Variants in FABP6 observed in about 807,000 individuals in gnomAD.
FABP6 encodes the protein gastrotropin.
A neutral mutation model predicts 14.9 loss-of-function variants in FABP6; 13 were observed. That is an observed-to-expected ratio of 0.87 (90% CI 0.57 to 1.39). FABP6 has a LOEUF of 1.39. FABP6 is among the 40% of genes most tolerant of loss of function. FABP6 has a pLI of 0.00. For synonymous variants in FABP6, 75 were observed against 63.6 expected, an observed-to-expected ratio of 1.18 and a Z score of -0.85; for missense variants, 161 against 167.2, an observed-to-expected ratio of 0.96 and a Z score of 0.20.
At chr5:160,227,140 C>T (rs557073030), upstream of FABP6, among the ~76,000 whole-genome samples, 3 of 152,076 alleles carry the variant, frequency 2.0e-5, no homozygotes, top group African/African-American at 7.2e-5. Context: ...TATGATATAC[C>T]CTTTTGTAAT....
chr5:160,192,354 TCTC>T (rs1470015993), intron 1 of FABP6, among the ~76,000 whole-genome samples: 9 of 152,296 alleles, frequency 5.9e-5, no homozygotes, highest in Admixed American at 2.6e-4. Flanking sequence ...CACCCTGTGT[TCTC>T]CTGTTTCCAG....
chr5:160,228,393 A>G (rs1760297248), upstream of FABP6: 1 of 454,878 alleles, frequency 2.2e-6, no homozygotes, highest in Admixed American at 2.4e-5. Flanking sequence ...CTCCATCTCA[A>G]AAATAAATAA....
chr5:160,235,029 C>G, intron 3 of FABP6, 120 bp downstream of exon 3: 1 of 706,470 alleles, frequency 1.4e-6, no homozygotes, highest in South Asian at 2.0e-5. Flanking sequence ...GTACCAGGCT[C>G]TATGCTGAGT....
At chr5:160,209,738 C>T (rs1185149068) in intron 2 of FABP6, among the ~76,000 whole-genome samples, 7 of 151,764 alleles carry the variant, frequency 4.6e-5, no homozygotes, top group African/African-American at 1.5e-4. Context: ...TTTTTAGAGA[C>T]GGGGGTCTCA....
At chr5:160,223,274 A>G (rs1302035936) in intron 3 of FABP6, among the ~76,000 whole-genome samples, 1 of 151,834 alleles carries the variant, frequency 6.6e-6, no homozygotes, top group Non-Finnish European at 1.5e-5. Flanking sequence ...TGATGTTACC[A>G]TTGTAATTGT....
At chr5:160,200,028 T>C (rs1354307967) in intron 2 of FABP6, among the ~76,000 whole-genome samples, 1 of 152,246 alleles carries the variant, frequency 6.6e-6, no homozygotes, top group African/African-American at 2.4e-5. Context: ...AGGCAGAGTC[T>C]GGCTGCCTTA....
At position 160,232,098 on chromosome 5, in the gene FABP6, G is replaced by A. The variant is rs369855610; in HGVS notation, c.68G>A (p.Gly23Glu). 11 of 1,613,630 alleles carry A rather than the reference G, an allele frequency of 6.8e-6. No homozygotes were observed. The African/African-American group carries it at 8.0e-5, about 12-fold the overall frequency. Residue 23 changes from glycine (G) to glutamate (E), a missense_variant and splice_region_variant, in exon 2 of 4, where the codon GGG (glycine) becomes GAG (glutamate). Coordinates refer to ENST00000402432, the MANE Select transcript of FABP6 (RefSeq NM_001445.3). The part of the protein sequence containing the change: ...KNYDEFMKLL[G>E]ISSDVIEKAR... ...CTACTCTGCTTGTCCCCGGGTCCAG[G>A]GATCTCCAGCGATGTAATCGAAAAG...
At position 160,204,828 on chromosome 5, in the gene FABP6, G is replaced by A. The variant is rs1759726611; in HGVS notation, c.51+5671G>A. The A allele has an allele frequency of 5.3e-5, 8 of 152,228 alleles. 1 individual carries two copies. Among genetic ancestry groups the A allele is most frequent in the Admixed American group, 5.2e-4 (8 of 15,266 alleles). The allele number at this position is 152,228 out of a possible 1,614,324, so 9.4% of individuals were successfully genotyped here. A position where few individuals can be genotyped will look rare whatever the true frequency, so the allele number is the denominator to read the frequency against. ...CTTTACTGGGAAACACACTGCTGTG[G>A]AGAGGGAAAGAAGCCAAGTGCTCAG... On this transcript the variant is annotated intron_variant, in intron 2 of 6. Transcript: ENST00000393980.
At chr5:160,188,782 T>A (rs545082448) in intron 1 of FABP6, among the ~76,000 whole-genome samples, 1 of 152,236 alleles carries the variant, frequency 6.6e-6, no homozygotes, top group East Asian at 1.9e-4. Context: ...CTGGACTCAT[T>A]TCTGCAAGGC....
At chr5:160,213,846 G>A (rs370270770) in intron 3 of FABP6, 3 of 1,556,788 alleles carry the variant, frequency 1.9e-6, no homozygotes, top group South Asian at 1.1e-5. Context: ...GGGAGGGAAG[G>A]GTTCCTGACG....
At chr5:160,212,122 G>A (rs910594504) in intron 2 of FABP6, among the ~76,000 whole-genome samples, 1 of 151,640 alleles carries the variant, frequency 6.6e-6, no homozygotes, top group Non-Finnish European at 1.5e-5. Context: ...TGAGTAGCTG[G>A]GATTACAGGC....
chr5:160,229,483 G>A, upstream of FABP6: 1 of 1,608,542 alleles, frequency 6.2e-7, no homozygotes, highest in Non-Finnish European at 8.5e-7. Flanking sequence ...GAGTTTATAA[G>A]CTGGGATAGC....
At chr5:160,201,274 C>T (rs996619483) in intron 2 of FABP6, among the ~76,000 whole-genome samples, 2 of 152,010 alleles carry the variant, frequency 1.3e-5, no homozygotes, top group Non-Finnish European at 2.9e-5. Context: ...GGGAGGATCA[C>T]TTGTGTCCAG....
intron 3 of FABP6, among the ~76,000 whole-genome samples, chr5:160,219,442 T>G (rs1254100929): frequency 6.6e-6 from 1 of 152,196 alleles, no homozygotes; most frequent in Non-Finnish European, 1.5e-5. Context: ...GGAGGCAGTT[T>G]GAGTTCATTC....
intron 1 of FABP6, among the ~76,000 whole-genome samples, chr5:160,231,866 A>T (rs1455237212): frequency 6.6e-6 from 1 of 152,134 alleles, no homozygotes; most frequent in African/African-American, 2.4e-5. Flanking sequence ...GATGGGCCTT[A>T]TTATCTCCAT....
chr5:160,217,091 T>G (rs1268684796), intron 3 of FABP6, among the ~76,000 whole-genome samples: 4 of 152,204 alleles, frequency 2.6e-5, no homozygotes, highest in Non-Finnish European at 5.9e-5. Flanking sequence ...TGATAATTTA[T>G]GTAAAGCATT....
chr5:160,198,986 G>T, intron 1 of FABP6: 1 of 996,054 alleles, frequency 1.0e-6, no homozygotes, highest in Non-Finnish European at 1.6e-6. Context: ...ATAGACAAAT[G>T]AATGAACAAT....
chr5:160,232,320 A>G (rs371306689), intron 2 of FABP6, 47 bp downstream of exon 2: 44 of 1,516,264 alleles, frequency 2.9e-5, no homozygotes, highest in Non-Finnish European at 3.8e-5. Flanking sequence ...CCTCCATCTG[A>G]CTTCTCCTTC....
chr5:160,228,938 G>A (rs1344139549), upstream of FABP6, among the ~76,000 whole-genome samples: 2 of 152,100 alleles, frequency 1.3e-5, no homozygotes, highest in Non-Finnish European at 2.9e-5. Context: ...CAAGACGGGT[G>A]CCAAATGCCA....
Sources: allele counts gnomAD v4.1 joint callset (sites outside exome capture counted in the v4.1 genomes callset), GRCh38; gene constraint gnomAD v4.1.1; transcripts MANE v1.5; gene names NCBI Gene and HGNC (gene_info 2026-07-23, HGNC 2026-07-21).